Variants in ASAH2 observed in about 807,000 individuals in gnomAD.
ASAH2 encodes the protein neutral ceramidase.
Under a neutral mutation model 82.9 loss-of-function variants are expected in ASAH2, and 58 were observed. That is an observed-to-expected ratio of 0.70 (90% confidence interval 0.57 to 0.87). The LOEUF (loss-of-function observed/expected upper bound fraction) is 0.87, where lower values mean the gene tolerates loss of function less well. ASAH2 is among the 40% of genes least tolerant of loss of function. The pLI, the probability that ASAH2 is intolerant of heterozygous loss-of-function variation, is 0.00. For synonymous variants in ASAH2, 276 were observed against 289.7 expected, an observed-to-expected ratio of 0.95 and a Z score of 0.48; for missense variants, 779 against 834.0, an observed-to-expected ratio of 0.93 and a Z score of 0.81.
intron 9 of ASAH2, 123 bp from the exon 10 acceptor site, chr10:50,213,181 G>T: frequency 1.1e-6 from 1 of 910,924 alleles, no homozygotes; most frequent in Non-Finnish European, 1.8e-6. Context: ...TTCTTTTCAG[G>T]TAGTCTCTCA....
chr10:50,211,264 G>A, intron 10 of ASAH2, 130 bp from the exon 11 acceptor site: 1 of 755,870 alleles, frequency 1.3e-6, no homozygotes, highest in East Asian at 2.6e-5. Context: ...TTTGCTGGTT[G>A]CTTAGAATTG....
chr10:50,224,269 T>C (rs1468197769), intron 7 of ASAH2, among the ~76,000 whole-genome samples: 1 of 152,172 alleles, frequency 6.6e-6, no homozygotes, highest in Non-Finnish European at 1.5e-5. Flanking sequence ...GGAATAAATG[T>C]TCACTACAAG....
intron 1 of ASAH2, among the ~76,000 whole-genome samples, chr10:50,250,326 G>A (rs1846582113): frequency 6.6e-6 from 1 of 152,162 alleles, no homozygotes; most frequent in Non-Finnish European, 1.5e-5. Context: ...GCTGAACTGG[G>A]AGTGGGCAAA....
chr10:50,245,775 G>C (rs566146974), intron 2 of ASAH2, among the ~76,000 whole-genome samples: 4 of 152,182 alleles, frequency 2.6e-5, no homozygotes, highest in South Asian at 4.1e-4. Flanking sequence ...CAGGTGCCAG[G>C]TTTACTAAAT....
chr10:50,239,602 A>T (rs1051545280), intron 4 of ASAH2, among the ~76,000 whole-genome samples: 7 of 151,988 alleles, frequency 4.6e-5, no homozygotes, highest in Non-Finnish European at 8.8e-5. Context: ...TTGAATCCCA[A>T]CTCTGACAGT....
chr10:50,207,416 G>A (rs1687093763), intron 12 of ASAH2, among the ~76,000 whole-genome samples: 1 of 151,462 alleles, frequency 6.6e-6, no homozygotes, highest in South Asian at 2.1e-4. Context: ...AACAAAATTG[G>A]CAAAACTTTA....
At chr10:50,217,647 A>G (rs1845640889) in intron 8 of ASAH2, among the ~76,000 whole-genome samples, 1 of 152,184 alleles carries the variant, frequency 6.6e-6, no homozygotes, top group Non-Finnish European at 1.5e-5. Context: ...TTTTCAACCA[A>G]CAGAATCATG....
Position 50,214,737 on chromosome 10 carries a change from A to G in ASAH2, c.1140+6T>C. ...AACAAAGATTTCATGTGTCATAATT[A>G]CCTACCCCACCAATGGGACAAGTGC... On this transcript the variant is annotated splice_donor_region_variant and intron_variant, in intron 9 of 20. Transcript: ENST00000682911. 1.2e-6 allele frequency: 2 copies of G among 1,613,600 alleles called. No individual in the cohort carries two copies. Among genetic ancestry groups the G allele is most frequent in the Non-Finnish European group, 1.7e-6 (2 of 1,179,592 alleles).
chr10:50,227,349 T>TA (rs1321747642), intron 7 of ASAH2, among the ~76,000 whole-genome samples: 140,643 of 152,192 alleles, frequency 0.92, 66,005 homozygotes, highest in East Asian at 1. Context: ...GTTTTTGCAG[T>TA]GATGGAGATA....
intron 3 of ASAH2, among the ~76,000 whole-genome samples, chr10:50,244,839 C>CT (rs72507051): frequency 0.14 from 21,749 of 151,112 alleles, 3,518 homozygotes; most frequent in East Asian, 0.43. Context: ...TTTATTTGTG[C>CT]TTTTTTTTTC....
chr10:50,244,477 A>C (rs919308480), intron 3 of ASAH2, among the ~76,000 whole-genome samples: 4 of 152,198 alleles, frequency 2.6e-5, no homozygotes, highest in Non-Finnish European at 5.9e-5. Context: ...CACAGTCAAG[A>C]ATCATATCTG....
intron 8 of ASAH2, 69 bp downstream of exon 8, chr10:50,218,441 T>G (rs1845665422): frequency 6.2e-7 from 1 of 1,606,286 alleles, no homozygotes; most frequent in Non-Finnish European, 8.5e-7. Context: ...GAATCACCTC[T>G]TCTGAATGCA....
chr10:50,218,728 AT>A, intron 7 of ASAH2, 98 bp from the exon 8 acceptor site: 1 of 1,364,604 alleles, frequency 7.3e-7, no homozygotes, highest in African/African-American at 1.4e-5. Context: ...GCAGGAAAAA[AT>A]ATTTTTAAAT....
At chr10:50,219,418 C>T (rs1845687955) in intron 7 of ASAH2, among the ~76,000 whole-genome samples, 1 of 152,176 alleles carries the variant, frequency 6.6e-6, no homozygotes, top group African/African-American at 2.4e-5. Context: ...AGGCCCAGGA[C>T]TCAAGTCTGG....
At chr10:50,233,332 G>A in intron 6 of ASAH2, 71 bp from the exon 7 acceptor site, 1 of 1,160,196 alleles carries the variant, frequency 8.6e-7, no homozygotes, top group South Asian at 1.2e-5. Context: ...ATGAACAGTA[G>A]CAGCTGACAC....
chr10:50,236,499 A>C (rs944803106), intron 4 of ASAH2, among the ~76,000 whole-genome samples: 4 of 152,114 alleles, frequency 2.6e-5, no homozygotes, highest in African/African-American at 9.7e-5. Context: ...TGGTAACTAA[A>C]ACTCAAGATG....
At chr10:50,193,830 T>C (rs1844905174) in intron 18 of ASAH2, among the ~76,000 whole-genome samples, 1 of 151,860 alleles carries the variant, frequency 6.6e-6, no homozygotes, top group Non-Finnish European at 1.5e-5. Context: ...ATTAAAAGGA[T>C]TACAGGGGAT....
At chr10:50,239,842 T>TTTTTC in intron 4 of ASAH2, among the ~76,000 whole-genome samples, 1 of 149,640 alleles carries the variant, frequency 6.7e-6, no homozygotes, top group South Asian at 2.2e-4. Flanking sequence ...TTTTTTTTTT[T>TTTTTC]TTTTTGAGTC....
At chr10:50,193,911 T>C (rs1194579081) in intron 18 of ASAH2, among the ~76,000 whole-genome samples, 1 of 151,022 alleles carries the variant, frequency 6.6e-6, no homozygotes, top group East Asian at 1.9e-4. Flanking sequence ...AGAAAATTCC[T>C]AGAATGATAC....
Sources: allele counts gnomAD v4.1 joint callset (sites outside exome capture counted in the v4.1 genomes callset), GRCh38; gene constraint gnomAD v4.1.1; transcripts MANE v1.5; gene names NCBI Gene and HGNC (gene_info 2026-07-23, HGNC 2026-07-21).